CSMD2: variants seen among roughly 807,000 people sequenced by gnomAD.
The protein encoded by CSMD2 is CUB and sushi domain-containing protein 2.
A neutral mutation model predicts 398.5 loss-of-function variants in CSMD2; 130 were observed. The ratio of observed to expected loss-of-function variants is 0.33; its 90% CI spans 0.28 to 0.38. The LOEUF is 0.38. Ranked by LOEUF, CSMD2 falls within the 10% of genes least tolerant of loss-of-function variation. The pLI is 1.00. For synonymous variants in CSMD2, 1,828 were observed against 1,908.5 expected (o/e 0.96, Z 1.10); for missense variants, 3,829 against 4,764.9 (o/e 0.80, Z 5.78).
At chr1:33,674,946 C>T (rs1178941330) in intron 25 of CSMD2, among the ~76,000 whole-genome samples, 1 of 152,164 alleles carries the variant, frequency 6.6e-6, no homozygotes, top group East Asian at 1.9e-4. Context: ...ATCTCTGGGA[C>T]ACATTCAAAG....
intron 1 of CSMD2, among the ~76,000 whole-genome samples, chr1:34,097,285 G>A (rs78635906): frequency 2.7e-5 from 4 of 149,410 alleles, no homozygotes; most frequent in South Asian, 4.3e-4. Flanking sequence ...AGACTTAAAC[G>A]TTAGACCTAA....
chr1:33,844,522 C>T (rs556204751), intron 6 of CSMD2, among the ~76,000 whole-genome samples: 1 of 152,172 alleles, frequency 6.6e-6, no homozygotes, highest in Non-Finnish European at 1.5e-5. Context: ...TTGCACTATG[C>T]GGTCTCAGTC....
intron 5 of CSMD2, among the ~76,000 whole-genome samples, chr1:33,915,146 G>C (rs1643657686): frequency 6.6e-6 from 1 of 152,174 alleles, no homozygotes. Flanking sequence ...CTTGATAGGT[G>C]AAGGGGGTGC....
At chr1:33,910,898 G>A (rs188647413) in intron 5 of CSMD2, among the ~76,000 whole-genome samples, 118 of 152,320 alleles carry the variant, frequency 7.7e-4, no homozygotes, top group Admixed American at 5.8e-3. Flanking sequence ...CCTTTGTAGC[G>A]TGAGTTAGCT....
Position 33,550,196 on chromosome 1 carries a change from G to C in CSMD2, c.8898C>G (p.Gly2966=), listed in dbSNP as rs61734268. 7,076 of 1,613,904 alleles carry C rather than the reference G, an allele frequency of 4.4e-3. 176 individuals carry two copies. In the African/African-American group the frequency reaches 0.051, roughly 12 times the overall value. ...RMCGLDGHWT[G]SLPHCSGTSV... is the part of the protein sequence containing the mutation. The stretch of plus-strand genomic sequence containing the variant: ...CCATACCTGAGCAGTGAGGGAGGGA[G>C]CCAGTCCAGTGTCCATCCAGCCCAC... The change falls in exon 56 of 71, where the codon GGC becomes GGG. Residue 2966 remains glycine, a synonymous_variant. Transcript: ENST00000373381.
At chr1:34,118,391 G>T (rs140773198) in intron 1 of CSMD2, among the ~76,000 whole-genome samples, 1 of 152,016 alleles carries the variant, frequency 6.6e-6, no homozygotes, top group Non-Finnish European at 1.5e-5. Flanking sequence ...CAGTCTATTC[G>T]GTATAATACT....
chr1:33,558,070 A>G (rs868373617), intron 54 of CSMD2, 148 bp from the exon 55 acceptor site: 74 of 657,454 alleles, frequency 1.1e-4, no homozygotes, highest in Middle Eastern at 2.7e-4. Flanking sequence ...TTACCTGGTC[A>G]GAAGAGTCAT....
intron 22 of CSMD2, among the ~76,000 whole-genome samples, chr1:33,702,760 C>T (rs533367867): frequency 5.9e-5 from 9 of 152,182 alleles, no homozygotes; most frequent in Admixed American, 2.6e-4. Flanking sequence ...TACATATCAG[C>T]GCCCAAAATA....
At chr1:33,945,940 A>C (rs1216699574) in intron 3 of CSMD2, among the ~76,000 whole-genome samples, 1 of 152,242 alleles carries the variant, frequency 6.6e-6, no homozygotes, top group African/African-American at 2.4e-5. Context: ...GAATAGCTAA[A>C]TATGCAATTT....
At chr1:33,855,615 T>C (rs1639029159) in intron 5 of CSMD2, among the ~76,000 whole-genome samples, 1 of 152,218 alleles carries the variant, frequency 6.6e-6, no homozygotes, top group Non-Finnish European at 1.5e-5. Flanking sequence ...GTCTCCACTC[T>C]GACCAGCTGC....
chr1:33,711,195 G>C (rs142045072), intron 21 of CSMD2, among the ~76,000 whole-genome samples: 61 of 152,222 alleles, frequency 4.0e-4, no homozygotes, highest in African/African-American at 1.3e-3. Context: ...ATTTGTCGGG[G>C]GGAGGGGGAG....
chr1:33,537,016 C>T lies in CSMD2; in HGVS notation c.9879+6G>A, dbSNP rs1204724275. ...AGGAAGACCCTATCTTGGCTGACCTCCTTACCTGGTAGCCCTGAGAATTGT... is the reference window on the plus strand; with the variant it reads ...AGGAAGACCCTATCTTGGCTGACCTTCTTACCTGGTAGCCCTGAGAATTGT... On this transcript the variant is annotated splice_donor_region_variant and intron_variant, in intron 62 of 70. Transcript: ENST00000373381. The surrounding 1 kb of genome is among the most constrained non-coding windows in gnomAD (Gnocchi z 4.6). 1.2e-6 allele frequency: 2 copies of T among 1,614,128 alleles called. No individual in the cohort carries two copies. Among genetic ancestry groups the T allele is most frequent in the East Asian group, 4.5e-5 (2 of 44,878 alleles).
chr1:33,518,752 C>T lies in CSMD2; in HGVS notation c.*53+713G>A, dbSNP rs1653985965. On this transcript the variant is annotated intron_variant, in intron 70 of 70. Transcript: ENST00000373381. The surrounding 1 kb of genome is among the most constrained non-coding windows in gnomAD (Gnocchi z 4.3). The stretch of plus-strand genomic sequence containing the variant: ...CATCAACTCCTGCTGGAATTTCTAG[C>T]CTGCTGGCCTGCCCTTTAGATTTCC... Among the ~76,000 whole-genome samples the T allele has an allele frequency of 6.6e-6, 1 of 152,134 alleles. No homozygotes were observed. The highest frequency in any genetic ancestry group is 1.5e-5 in the Non-Finnish European group (1 of 68,014).
In CSMD2 at chr1:33,724,722, C is replaced by A; in HGVS notation, c.2696-18G>T. The A allele has an allele frequency of 6.2e-7, 1 of 1,610,378 alleles. No individual in the cohort carries two copies. The highest frequency in any genetic ancestry group is 1.7e-5 in the Admixed American group (1 of 59,898). The stretch of plus-strand genomic sequence containing the variant: ...TGTTATAGCTGAAAGAGAGAGGCCA[C>A]AGCTGGGACAGACAGCTTACTGTCA... On this transcript the variant is annotated intron_variant, in intron 17 of 70. Coordinates refer to ENST00000373381, the MANE Select transcript of CSMD2 (RefSeq NM_001281956.2).
At chr1:33,619,019 CA>C (rs752389682) in intron 37 of CSMD2, among the ~76,000 whole-genome samples, 2 of 152,174 alleles carry the variant, frequency 1.3e-5, no homozygotes, top group East Asian at 1.9e-4. Context: ...CATTTCCAGA[CA>C]GGGGGCTTCC....
At chr1:33,964,375 C>T (rs892790310) in intron 3 of CSMD2, among the ~76,000 whole-genome samples, 1 of 152,230 alleles carries the variant, frequency 6.6e-6, no homozygotes, top group African/African-American at 2.4e-5. Flanking sequence ...AGCATCTCAT[C>T]CATATCTGTA....
chr1:33,958,117 C>G lies in CSMD2; in HGVS notation c.518-22163G>C, dbSNP rs193028772. On this transcript the variant is annotated intron_variant, in intron 3 of 70. Coordinates refer to ENST00000373381, the MANE Select transcript of CSMD2 (RefSeq NM_001281956.2). ...AACTTTGGTAGGCTCGCTCCCACCC[C>G]CACGCCTTTTCCTGACTGCCACAGG... 2.6e-5 allele frequency among the ~76,000 whole-genome samples: 4 copies of G among 152,272 alleles called. No homozygotes were observed. In the East Asian group the frequency reaches 7.7e-4, roughly 29 times the overall value.
At chr1:33,647,118 G>A (rs374934574) in intron 28 of CSMD2, among the ~76,000 whole-genome samples, 1 of 152,178 alleles carries the variant, frequency 6.6e-6, no homozygotes, top group East Asian at 1.9e-4. Context: ...TTATACAGAA[G>A]GGAAAATGAG....
intron 2 of CSMD2, among the ~76,000 whole-genome samples, chr1:34,055,922 T>C (rs1001523452): frequency 1.3e-5 from 2 of 152,202 alleles, no homozygotes; most frequent in Non-Finnish European, 2.9e-5. Context: ...CTTGAAGATA[T>C]TTAGGGATGG....
Sources: allele counts gnomAD v4.1 joint callset (sites outside exome capture counted in the v4.1 genomes callset), GRCh38; gene constraint gnomAD v4.1.1; non-coding constraint Gnocchi (gnomAD v3.1); transcripts MANE v1.5; gene names NCBI Gene and HGNC (gene_info 2026-07-23, HGNC 2026-07-21).